Variants in ZNF44 observed in about 807,000 individuals in gnomAD.
The protein encoded by ZNF44 is gonadotropin inducible transcription repressor-2.
Under a neutral mutation model 11.7 loss-of-function variants are expected in ZNF44, and 9 were observed. The observed-to-expected ratio is 0.77, with a 90% CI of 0.46 to 1.35. The LOEUF (loss-of-function observed/expected upper bound fraction) is 1.35, where lower values mean the gene tolerates loss of function less well. Among genes scored for constraint, ZNF44 ranks in the 40% most tolerant of loss-of-function variants. The pLI is 0.00. For missense variants in ZNF44, 696 were observed against 743.1 expected (o/e 0.94, Z 0.74); for synonymous variants, 224 against 242.7 (o/e 0.92, Z 0.72).
At chr19:12,242,504 C>T (rs1206845951), upstream of ZNF44, among the ~76,000 whole-genome samples, 12 of 131,314 alleles carry the variant, frequency 9.1e-5, no homozygotes, top group African/African-American at 2.5e-4. Flanking sequence ...AGCGAGACTC[C>T]GGCTCAAAAA....
intron 5 of ZNF44, among the ~76,000 whole-genome samples, chr19:12,257,496 T>C (rs955907434): frequency 6.6e-6 from 1 of 151,102 alleles, no homozygotes; most frequent in Admixed American, 6.6e-5. Context: ...CTTAAAAAAA[T>C]ACAAAAATTG....
At chr19:12,261,721 A>G (rs1238331056) in intron 5 of ZNF44, among the ~76,000 whole-genome samples, 2 of 152,242 alleles carry the variant, frequency 1.3e-5, no homozygotes, top group Non-Finnish European at 2.9e-5. Context: ...TTGTTTTTAT[A>G]TAAAGAAACA....
chr19:12,265,097 C>A (rs919087916), intron 5 of ZNF44, among the ~76,000 whole-genome samples: 4 of 152,052 alleles, frequency 2.6e-5, no homozygotes, highest in African/African-American at 9.7e-5. Flanking sequence ...AAAAACGAGC[C>A]TCAGAAACTT....
intron 5 of ZNF44, chr19:12,250,463 G>GA: frequency 9.6e-7 from 1 of 1,042,184 alleles, no homozygotes; most frequent in Non-Finnish European, 1.3e-6. Flanking sequence ...ATGATTCTGT[G>GA]ATCTCCAGAG....
chr19:12,249,132 C>A (rs1916882033), intron 7 of ZNF44, among the ~76,000 whole-genome samples: 1 of 151,922 alleles, frequency 6.6e-6, no homozygotes, highest in Non-Finnish European at 1.5e-5. Context: ...CACAATCCAC[C>A]CACCTCGGCT....
intron 1 of ZNF44, among the ~76,000 whole-genome samples, chr19:12,280,801 C>T (rs545957570): frequency 3.6e-4 from 55 of 152,080 alleles, no homozygotes; most frequent in Non-Finnish European, 5.0e-4. Context: ...TTTGGAAGAC[C>T]TATATTACAT....
At chr19:12,266,373 A>C in intron 5 of ZNF44, 1 of 978,974 alleles carries the variant, frequency 1.0e-6, no homozygotes, top group Non-Finnish European at 1.2e-6. Context: ...CACCCTCAGC[A>C]CTTTCAGAGA....
At chr19:12,279,887 G>T (rs1353242608) in intron 1 of ZNF44, among the ~76,000 whole-genome samples, 1 of 117,612 alleles carries the variant, frequency 8.5e-6, no homozygotes, top group African/African-American at 3.4e-5. Flanking sequence ...AAGTTCATCA[G>T]AAAGAAAAAA....
intron 5 of ZNF44, chr19:12,250,666 A>G: frequency 2.4e-6 from 1 of 422,154 alleles, no homozygotes. Context: ...AAGACCATCA[A>G]TTCTTTGTGA....
chr19:12,234,218 T>C (rs1230394975), intron 2 of ZNF44, among the ~76,000 whole-genome samples: 3 of 152,210 alleles, frequency 2.0e-5, no homozygotes, highest in South Asian at 2.1e-4. Flanking sequence ...GGCTCCCCCA[T>C]AGCTATTATA....
Position 12,292,868 on chromosome 19 carries a change from T to TTTG in ZNF44, c.3+1823_3+1824insCAA, listed in dbSNP as rs1568461517. The stretch of plus-strand genomic sequence containing the variant: ...CCCAGAGGTTAGGTTTTTTTTTTTT[T>TTTG]TTTTTTTTTTTTGAGACAGAGTTTC... On this transcript the variant is annotated intron_variant, in intron 1 of 3. Coordinates refer to ENST00000355684, the MANE Select transcript of ZNF44 (RefSeq NM_016264.4). Among the ~76,000 whole-genome samples the TTTG allele has an allele frequency of 1.8e-4, 19 of 106,068 alleles. 1 individual carries two copies. In the South Asian group the frequency reaches 5.0e-3, roughly 28 times the overall value. 69.6% of individuals were successfully genotyped at this position (106,068 alleles called of 152,430 possible). A position where few individuals can be genotyped will look rare whatever the true frequency, so the allele number is the denominator to read the frequency against.
At chr19:12,224,873 G>A (rs1328971087), downstream of ZNF44, 1 of 152,124 alleles carries the variant, frequency 6.6e-6, no homozygotes, top group Non-Finnish European at 1.5e-5. Context: ...CTGGGCGGAG[G>A]GGTGGTTATC....
chr19:12,277,800 A>G (rs769000230), intron 1 of ZNF44, among the ~76,000 whole-genome samples: 3 of 152,198 alleles, frequency 2.0e-5, no homozygotes, highest in Non-Finnish European at 4.4e-5. Flanking sequence ...GTATTTTTGA[A>G]TCAGTCTGGG....
At chr19:12,265,557 A>C (rs1461875243) in intron 5 of ZNF44, among the ~76,000 whole-genome samples, 1 of 152,134 alleles carries the variant, frequency 6.6e-6, no homozygotes, top group African/African-American at 2.4e-5. Flanking sequence ...CAAGGTGATA[A>C]AGCCGGGGAG....
intron 7 of ZNF44, among the ~76,000 whole-genome samples, chr19:12,249,639 G>A (rs371866934): frequency 9.9e-5 from 15 of 152,064 alleles, no homozygotes; most frequent in Admixed American, 5.2e-4. Context: ...TGCAGCCTCC[G>A]CCTCCCGGGT....
At chr19:12,235,077 G>A (rs527489818) in intron 1 of ZNF44, among the ~76,000 whole-genome samples, 1 of 152,200 alleles carries the variant, frequency 6.6e-6, no homozygotes, top group Admixed American at 6.5e-5. Flanking sequence ...TTTACACAGG[G>A]TACAAAAGAT....
upstream of ZNF44, among the ~76,000 whole-genome samples, chr19:12,241,255 G>C (rs1192149113): frequency 6.6e-6 from 1 of 152,176 alleles, no homozygotes; most frequent in South Asian, 2.1e-4. Flanking sequence ...ATATAACCAG[G>C]GTTGGTGAGC....
chr19:12,248,467 C>T, exon 8 of ZNF44: 1 of 1,290,894 alleles, frequency 7.7e-7, no homozygotes, highest in Non-Finnish European at 1.0e-6. Context: ...TCTCCATATT[C>T]CTGACACTTA....
At chr19:12,243,483 T>C (rs1326768781), downstream of ZNF44, among the ~76,000 whole-genome samples, 1 of 152,258 alleles carries the variant, frequency 6.6e-6, no homozygotes, top group African/African-American at 2.4e-5. Flanking sequence ...GGTTTATTCA[T>C]GTGACAAATG....
Sources: allele counts gnomAD v4.1 joint callset (sites outside exome capture counted in the v4.1 genomes callset), GRCh38; gene constraint gnomAD v4.1.1; transcripts MANE v1.5; gene names NCBI Gene and HGNC (gene_info 2026-07-23, HGNC 2026-07-21).